The following SLC36A1 variants were observed in gnomAD, a reference collection of about 807,000 sequenced individuals.
The protein encoded by SLC36A1 is solute carrier family 36 member 1.
A neutral mutation model predicts 47.5 loss-of-function variants in SLC36A1; 30 were observed. The ratio of observed to expected loss-of-function variants is 0.63; its 90% CI spans 0.47 to 0.86. The LOEUF is 0.86. Among genes scored for constraint, SLC36A1 ranks in the 40% least tolerant of loss-of-function variants. The pLI is 0.00. For missense variants in SLC36A1, 517 were observed against 606.0 expected, an observed-to-expected ratio of 0.85 and a Z score of 1.54; for synonymous variants, 255 against 249.7, an observed-to-expected ratio of 1.02 and a Z score of -0.20.
In SLC36A1 at chr5:151,473,742, G is replaced by A; in HGVS notation, c.793G>A (p.Ala265Thr). 1.9e-6 allele frequency: 3 copies of A among 1,613,956 alleles called. No individual in the cohort carries two copies. Among genetic ancestry groups the A allele is most frequent in the Non-Finnish European group, 2.5e-6 (3 of 1,179,916 alleles). Reference protein sequence around the residue: ...WKTYPLFFGTAIFSFEGIGMV... With the variant: ...WKTYPLFFGTTIFSFEGIGMV... The stretch of plus-strand genomic sequence containing the variant: ...GACCTACCCTCTCTTCTTTGGCACA[G>A]CGATTTTTTCATTTGAAGGCATTGG... The change falls in exon 8 of 11, where the codon GCG becomes ACG. Residue 265 changes from alanine (A) to threonine (T), a missense_variant. Ala to Thr is a moderately conservative substitution (Grantham distance 58). Coordinates refer to ENST00000243389, the MANE Select transcript of SLC36A1 (RefSeq NM_078483.4).
chr5:151,419,982 T>C, the SLC36A1 span: 2 of 152,228 alleles, frequency 1.3e-5, no homozygotes, highest in African/African-American at 4.8e-5. Flanking sequence ...CAAGGGCTTA[T>C]TGAGTGTGGG....
intron 1 of SLC36A1, among the ~76,000 whole-genome samples, chr5:151,448,667 C>G (rs147191911): frequency 3.2e-4 from 49 of 152,318 alleles, no homozygotes; most frequent in African/African-American, 1.1e-3. Flanking sequence ...TGTAACTTGT[C>G]AGATTTGGGA....
chr5:151,531,597 A>G, the SLC36A1 span: 1 of 1,612,568 alleles, frequency 6.2e-7, no homozygotes, highest in Non-Finnish European at 8.5e-7. The surrounding 1 kb of genome is among the most constrained non-coding windows in gnomAD (Gnocchi z 5.7). Context: ...CTGTGCGAGC[A>G]TCCAGGCGGA....
At chr5:151,505,758 C>T in the SLC36A1 span, 1 of 1,613,484 alleles carries the variant, frequency 6.2e-7, no homozygotes, top group South Asian at 1.1e-5. Flanking sequence ...GCAGGGCCCT[C>T]CCCCTCCCTG....
At chr5:151,454,252 C>A (rs1754120146) in intron 1 of SLC36A1, among the ~76,000 whole-genome samples, 1 of 151,948 alleles carries the variant, frequency 6.6e-6, no homozygotes, top group Non-Finnish European at 1.5e-5. Flanking sequence ...ATAGTACAAC[C>A]CTCATTTAGA....
At chr5:151,390,109 A>G in the SLC36A1 span, among the ~76,000 whole-genome samples, 2 of 152,232 alleles carry the variant, frequency 1.3e-5, no homozygotes, top group Non-Finnish European at 1.5e-5. Context: ...ATTCTAACTG[A>G]TGTGAGATGG....
At chr5:151,347,492 CAA>C in the SLC36A1 span, 1 of 1,612,150 alleles carries the variant, frequency 6.2e-7, no homozygotes, top group Non-Finnish European at 8.5e-7. Context: ...CTCGGGGTGA[CAA>C]AGAGGTCTGC....
chr5:151,536,303 G>A, the SLC36A1 span, among the ~76,000 whole-genome samples: 1 of 152,160 alleles, frequency 6.6e-6, no homozygotes. Flanking sequence ...TAAATAACCT[G>A]CCTGGGTCCC....
chr5:151,507,703 C>A, the SLC36A1 span: 2 of 1,200,180 alleles, frequency 1.7e-6, no homozygotes, highest in Non-Finnish European at 2.3e-6. Context: ...GACTGCTCCC[C>A]CCAAAACCTA....
the SLC36A1 span, among the ~76,000 whole-genome samples, chr5:151,405,522 A>G: frequency 2.0e-5 from 3 of 151,634 alleles, no homozygotes; most frequent in East Asian, 5.8e-4. Context: ...CACCTCTTGA[A>G]TCTCATTCAG....
At chr5:151,527,505 C>T in the SLC36A1 span, 1 of 827,640 alleles carries the variant, frequency 1.2e-6, no homozygotes, top group Non-Finnish European at 1.8e-6. Context: ...CCCCACTGCC[C>T]ACCCGTAGCA....
the SLC36A1 span, chr5:151,382,482 G>T: frequency 1.8e-6 from 1 of 544,972 alleles, no homozygotes; most frequent in East Asian, 3.0e-5. Flanking sequence ...GGGGTTAAAT[G>T]CATTTTTCCC....
At chr5:151,513,462 C>T in the SLC36A1 span, among the ~76,000 whole-genome samples, 2 of 152,162 alleles carry the variant, frequency 1.3e-5, no homozygotes, top group South Asian at 2.1e-4. Context: ...ATGGAGTTGG[C>T]GGCCATTATC....
At chr5:151,380,253 G>C in the SLC36A1 span, 1 of 229,384 alleles carries the variant, frequency 4.4e-6, no homozygotes, top group Non-Finnish European at 8.8e-6. Context: ...GGGAGGCTGC[G>C]GCGGGCGGAT....
the SLC36A1 span, among the ~76,000 whole-genome samples, chr5:151,391,502 A>G: frequency 6.6e-6 from 1 of 152,212 alleles, no homozygotes; most frequent in Non-Finnish European, 1.5e-5. Context: ...GAATGCTTCC[A>G]GTTTTTGCCC....
chr5:151,493,959 A>G (rs1479228823), downstream of SLC36A1, among the ~76,000 whole-genome samples: 1 of 152,162 alleles, frequency 6.6e-6, no homozygotes, highest in African/African-American at 2.4e-5. Context: ...CTGGCTGTCC[A>G]TCCATGCACT....
chr5:151,527,301 A>C, the SLC36A1 span: 1 of 1,613,660 alleles, frequency 6.2e-7, no homozygotes. Context: ...AGCCACTTGG[A>C]TAGCGATGTC....
intron 10 of SLC36A1, among the ~76,000 whole-genome samples, chr5:151,487,684 T>A (rs997037246): frequency 3.9e-5 from 6 of 152,088 alleles, no homozygotes; most frequent in African/African-American, 1.2e-4. Context: ...GAAATGTAAT[T>A]TGGTTCCTTT....
upstream of SLC36A1, chr5:151,447,484 T>G (rs543723570): frequency 6.6e-6 from 1 of 152,374 alleles, no homozygotes; most frequent in East Asian, 1.9e-4. Flanking sequence ...GCAGTGGCAG[T>G]AATAGGTCGC....
Sources: allele counts gnomAD v4.1 joint callset (sites outside exome capture counted in the v4.1 genomes callset), GRCh38; gene constraint gnomAD v4.1.1; non-coding constraint Gnocchi (gnomAD v3.1); transcripts MANE v1.5; gene names NCBI Gene and HGNC (gene_info 2026-07-23, HGNC 2026-07-21).